The following BRD7 variants were observed in gnomAD, a reference collection of about 807,000 sequenced individuals.
BRD7 encodes the protein bromodomain-containing protein 7.
In BRD7, 15 loss-of-function variants were observed where a neutral mutation model predicts 82.1. That is an observed-to-expected ratio of 0.18 (90% CI 0.12 to 0.28). The LOEUF (loss-of-function observed/expected upper bound fraction) is 0.28. Ranked by LOEUF, BRD7 falls within the 10% of genes least tolerant of loss-of-function variation. The pLI is 1.00. For missense variants in BRD7, 638 were observed against 779.9 expected, an observed-to-expected ratio of 0.82 and a Z score of 2.17; for synonymous variants, 232 against 266.9, an observed-to-expected ratio of 0.87 and a Z score of 1.27.
chr16:50,350,036 A>G lies in BRD7; in HGVS notation c.578T>C (p.Ile193Thr). 6.3e-7 allele frequency: 1 copy of G among 1,593,342 alleles called. No individual in the cohort carries two copies. ...EKIKNNDYQS[I>T]EELKDNFKLM... ...TTGAAGAGTTACCTTTAGTTCTTCT[A>G]TGGACTGATAGTCATTGTTCTTGAT... The change falls in exon 5 of 17, where the codon ATA becomes ACA. Residue 193 changes from isoleucine (I) to threonine (T), a missense_variant. Coordinates refer to ENST00000394688, the MANE Select transcript of BRD7 (RefSeq NM_013263.5).
rs1466385882 is a variant in BRD7, at chr16:50,343,303, T to C, written c.592-3217A>G. On this transcript the variant is annotated intron_variant, in intron 5 of 16. Coordinates refer to ENST00000394688, the MANE Select transcript of BRD7 (RefSeq NM_013263.5). ...TTGCTGTTCTTGTGATAATGAGTCC[T>C]CACAAGATCTGGTTGTTTGAAAGTG... is the stretch of plus-strand genomic sequence containing the variant. 4.6e-5 allele frequency among the ~76,000 whole-genome samples: 7 copies of C among 152,184 alleles called. No individual in the cohort carries two copies. The South Asian group carries it at 6.2e-4, about 14-fold the overall frequency.
At chr16:50,344,509 A>G (rs1196297606) in intron 5 of BRD7, among the ~76,000 whole-genome samples, 18 of 152,204 alleles carry the variant, frequency 1.2e-4, no homozygotes, top group Non-Finnish European at 1.0e-4. Flanking sequence ...AAAGAAGCTA[A>G]AAACCTTGAA....
intron 2 of BRD7, among the ~76,000 whole-genome samples, chr16:50,363,665 G>A (rs1363193411): frequency 1.7e-5 from 1 of 58,808 alleles, no homozygotes; most frequent in Non-Finnish European, 5.7e-5. Context: ...GTGTGTGCGC[G>A]CGCGCGCGTG....
chr16:50,342,555 G>T (rs1173573936), intron 5 of BRD7, among the ~76,000 whole-genome samples: 1 of 146,632 alleles, frequency 6.8e-6, no homozygotes, highest in African/African-American at 2.5e-5. Context: ...CGAGTAGCTG[G>T]GACTACAGGC....
At chr16:50,360,813 C>T (rs1348278657) in intron 2 of BRD7, among the ~76,000 whole-genome samples, 1 of 152,156 alleles carries the variant, frequency 6.6e-6, no homozygotes, top group South Asian at 2.1e-4. Context: ...TACTCATAGG[C>T]CCCTTTTCTG....
chr16:50,349,424 T>TAAAAAA (rs903145367), intron 5 of BRD7: 8 of 317,698 alleles, frequency 2.5e-5, no homozygotes, highest in African/African-American at 1.4e-4. Flanking sequence ...GTAAACCATC[T>TAAAAAA]AAAAAAAAAA....
intron 2 of BRD7, among the ~76,000 whole-genome samples, chr16:50,362,709 T>C (rs2038978904): frequency 6.6e-6 from 1 of 152,106 alleles, no homozygotes; most frequent in Admixed American, 6.5e-5. Flanking sequence ...AGACAAATAC[T>C]GTATCATTCC....
At chr16:50,351,218 C>T (rs966876586) in intron 4 of BRD7, among the ~76,000 whole-genome samples, 2 of 152,178 alleles carry the variant, frequency 1.3e-5, no homozygotes, top group South Asian at 4.1e-4. Flanking sequence ...GTGGTGGTAT[C>T]CTCCACTACC....
chr16:50,364,732 G>A (rs1435636457), intron 2 of BRD7, among the ~76,000 whole-genome samples: 1 of 152,198 alleles, frequency 6.6e-6, no homozygotes, highest in Non-Finnish European at 1.5e-5. Context: ...TGTGTACAAT[G>A]AGGCTCACTG....
intron 2 of BRD7, among the ~76,000 whole-genome samples, chr16:50,367,393 G>T (rs1362588145): frequency 2.6e-5 from 4 of 152,082 alleles, no homozygotes; most frequent in Non-Finnish European, 5.9e-5. Context: ...GGAAATTTTT[G>T]TAGTTTATTT....
Position 50,354,936 on chromosome 16 carries a change from AG to A in BRD7, c.259-15del. On this transcript the variant is annotated splice_polypyrimidine_tract_variant and intron_variant, in intron 2 of 16. Transcript: ENST00000394688. Reference sequence around the variant, plus strand: ...CTTTTTATCCTCCTAAATGGAACAAAGGGAGATAATTTAGAAATATTTCAGA... The same window carrying A: ...CTTTTTATCCTCCTAAATGGAACAAAGGAGATAATTTAGAAATATTTCAGA... The A allele has an allele frequency of 6.2e-7, 1 of 1,609,246 alleles. No homozygotes were observed. Among genetic ancestry groups the A allele is most frequent in the Non-Finnish European group, 8.5e-7 (1 of 1,178,516 alleles).
At chr16:50,322,714 C>A (rs2037171460) in intron 12 of BRD7, among the ~76,000 whole-genome samples, 1 of 152,094 alleles carries the variant, frequency 6.6e-6, no homozygotes, top group Non-Finnish European at 1.5e-5. Flanking sequence ...GCCATATTCA[C>A]CAAATGAAAA....
chr16:50,338,197 G>C (rs998996682), intron 6 of BRD7, among the ~76,000 whole-genome samples: 2 of 152,158 alleles, frequency 1.3e-5, no homozygotes, highest in African/African-American at 4.8e-5. Flanking sequence ...CATGGTTCTA[G>C]ATTCTGAGAG....
chr16:50,338,398 C>G (rs2037907211), intron 6 of BRD7, among the ~76,000 whole-genome samples: 1 of 152,200 alleles, frequency 6.6e-6, no homozygotes, highest in African/African-American at 2.4e-5. Flanking sequence ...TTAAGTGAAT[C>G]CAAGAATCTC....
rs781478448 is a variant in BRD7, at chr16:50,334,694, T to C, written c.887+17A>G. 9 of 1,611,580 alleles carry C rather than the reference T, an allele frequency of 5.6e-6. No homozygotes were observed. Among genetic ancestry groups the C allele is most frequent in the Middle Eastern group, 1.7e-4 (1 of 5,996 alleles). ...TGAAGAAGACAGTTTGACCTTAACA[T>C]CCCAAAGATCTTTTACTTTTTATTT... On this transcript the variant is annotated intron_variant, in intron 7 of 16. Transcript: ENST00000394688.
Position 50,354,500 on chromosome 16 carries a change from G to A in BRD7, c.389-18C>T. The A allele has an allele frequency of 6.2e-7, 1 of 1,600,940 alleles. No individual in the cohort carries two copies. Among genetic ancestry groups the A allele is most frequent in the Non-Finnish European group, 8.5e-7 (1 of 1,171,020 alleles). ...TTCTACTTCTAAAGCAAAGAAGAAGGGAAAAGGGTATTTTAAAAAGGAGTA... is the reference window on the plus strand; with the variant it reads ...TTCTACTTCTAAAGCAAAGAAGAAGAGAAAAGGGTATTTTAAAAAGGAGTA... On this transcript the variant is annotated intron_variant, in intron 3 of 16. Coordinates refer to ENST00000394688, the MANE Select transcript of BRD7 (RefSeq NM_013263.5).
At chr16:50,355,291 A>T (rs1025546388) in intron 2 of BRD7, among the ~76,000 whole-genome samples, 26 of 152,236 alleles carry the variant, frequency 1.7e-4, no homozygotes, top group Admixed American at 1.7e-3. Flanking sequence ...ATTCAGAGTC[A>T]ATCCTCTCTC....
rs1324004856 is a variant in BRD7 at position 50,317,759 on chromosome 16, A to ATGAC, written c.*1448_*1451dup. 3.9e-5 allele frequency: 6 copies of ATGAC among 152,308 alleles called. No individual in the cohort carries two copies. Among genetic ancestry groups the ATGAC allele is most frequent in the Admixed American group, 2.0e-4 (3 of 15,274 alleles). The allele number at this position is 152,308 out of a possible 1,614,324, so 9.4% of individuals were successfully genotyped here. On this transcript the variant is annotated 3_prime_UTR_variant, in exon 17 of 17. Coordinates refer to ENST00000394688, the MANE Select transcript of BRD7 (RefSeq NM_013263.5). ...GTAATTACTGGTGTCATTTTGTTTTATGACAGACACACGTATCTAACAAAC... is the reference window on the plus strand; with the variant it reads ...GTAATTACTGGTGTCATTTTGTTTTATGACTGACAGACACACGTATCTAACAAAC...
rs769621106 is a variant in BRD7 at position 50,340,028 on chromosome 16, T to C, written c.650A>G (p.Tyr217Cys). ...AMIYNKPETI[Y>C]YKAAKKLLHS... ...CAACAGCTTCTTTGCAGCTTTATAA[T>C]AAATGGTCTCTGGTTTATTGTAAAT... is the stretch of plus-strand genomic sequence containing the variant. Residue 217 changes from tyrosine (Y) to cysteine (C), a missense_variant, in exon 6 of 17, where the codon TAT becomes TGT. By Grantham distance (194) the Tyr-to-Cys change is radical. Transcript: ENST00000394688. 3.1e-6 allele frequency: 5 copies of C among 1,601,534 alleles called. No individual in the cohort carries two copies. Among genetic ancestry groups the C allele is most frequent in the Admixed American group, 3.5e-5 (2 of 57,430 alleles).
Sources: gnomAD v4.1 joint callset for allele counts (sites outside exome capture counted in the v4.1 genomes callset) on GRCh38, gnomAD v4.1.1 for gene constraint, MANE v1.5 for transcripts, NCBI Gene and HGNC (gene_info 2026-07-23, HGNC 2026-07-21) for gene names.